ZNF560: variants seen among roughly 807,000 people sequenced by gnomAD.
The protein encoded by ZNF560 is zinc finger protein 560.
In ZNF560, 54 loss-of-function variants were observed where a neutral mutation model predicts 81.8. That is an observed-to-expected ratio of 0.66 (90% confidence interval 0.53 to 0.83). ZNF560 has a LOEUF of 0.83. Ranked by LOEUF, ZNF560 falls within the 40% of genes least tolerant of loss-of-function variation. ZNF560 has a pLI of 0.00. For missense variants in ZNF560, 940 were observed against 932.4 expected (o/e 1.01, Z -0.11); for synonymous variants, 321 against 317.9 (o/e 1.01, Z -0.10).
At chr19:9,453,633 A>T in the ZNF560 span, among the ~76,000 whole-genome samples, 1 of 152,090 alleles carries the variant, frequency 6.6e-6, no homozygotes, top group African/African-American at 2.4e-5. Context: ...TTGGAAAATA[A>T]TAAATAAAAA....
At chr19:9,499,680 G>A (rs909514503), upstream of ZNF560, among the ~76,000 whole-genome samples, 1 of 152,116 alleles carries the variant, frequency 6.6e-6, no homozygotes, top group Non-Finnish European at 1.5e-5. Flanking sequence ...TTGAATCTTC[G>A]GGTTATATTG....
At chr19:9,484,851 A>AG (rs926283455) in intron 2 of ZNF560, among the ~76,000 whole-genome samples, 2 of 151,130 alleles carry the variant, frequency 1.3e-5, no homozygotes, top group East Asian at 1.9e-4. Flanking sequence ...AAGAAAAAAA[A>AG]AGAAAAGAAA....
At chr19:9,503,426 A>T (rs988833058), upstream of ZNF560, among the ~76,000 whole-genome samples, 4 of 152,186 alleles carry the variant, frequency 2.6e-5, no homozygotes, top group Non-Finnish European at 4.4e-5. Flanking sequence ...AGCAGATTCA[A>T]TGTCTCAGGA....
At chr19:9,455,698 T>C in the ZNF560 span, among the ~76,000 whole-genome samples, 2 of 152,228 alleles carry the variant, frequency 1.3e-5, no homozygotes, top group African/African-American at 2.4e-5. Flanking sequence ...TTGCAGTTAT[T>C]AGCTTTTGAC....
In ZNF560 at chr19:9,469,617, CACAA is replaced by C; in HGVS notation, c.529+9_529+12del. On this transcript the variant is annotated intron_variant, in intron 8 of 9. Coordinates refer to ENST00000301480, the MANE Select transcript of ZNF560 (RefSeq NM_152476.3). ...CTTCTCATGGACCAGGGTTGTTCTT[CACAA>C]ACACTCACCTTGGAGAACTCTTGGC... 6.2e-7 allele frequency: 1 copy of C among 1,613,484 alleles called. No homozygotes were observed. Among genetic ancestry groups the C allele is most frequent in the Non-Finnish European group, 8.5e-7 (1 of 1,179,430 alleles).
chr19:9,471,553 G>A (rs950113237), intron 5 of ZNF560, among the ~76,000 whole-genome samples, 175 bp from the exon 6 acceptor site: 2 of 151,930 alleles, frequency 1.3e-5, no homozygotes, highest in African/African-American at 4.8e-5. Flanking sequence ...AGATTAAAGG[G>A]TCAAAATTTT....
chr19:9,452,615 T>C, the ZNF560 span, among the ~76,000 whole-genome samples: 1 of 152,148 alleles, frequency 6.6e-6, no homozygotes, highest in Non-Finnish European at 1.5e-5. Context: ...ATGGTTGAAG[T>C]TGGAGGTGAT....
At chr19:9,472,004 G>A (rs1223802931) in intron 5 of ZNF560, among the ~76,000 whole-genome samples, 1 of 152,116 alleles carries the variant, frequency 6.6e-6, no homozygotes, top group Non-Finnish European at 1.5e-5. Flanking sequence ...CAGCTACTCG[G>A]GAGGCTGAGG....
upstream of ZNF560, among the ~76,000 whole-genome samples, chr19:9,501,327 TTGTGTGTGTG>T (rs71185606): frequency 0.069 from 7,554 of 108,928 alleles, 304 homozygotes; most frequent in African/African-American, 0.1. Flanking sequence ...CCTGGCTACT[TTGTGTGTGTG>T]TGTGTGTGTG....
chr19:9,506,038 G>A, the ZNF560 span, among the ~76,000 whole-genome samples: 1 of 151,886 alleles, frequency 6.6e-6, no homozygotes, highest in Non-Finnish European at 1.5e-5. Context: ...TGTTGCCCAG[G>A]CTGGAGTGCA....
At chr19:9,455,307 A>G in the ZNF560 span, among the ~76,000 whole-genome samples, 41 of 152,280 alleles carry the variant, frequency 2.7e-4, no homozygotes, top group African/African-American at 6.5e-4. Context: ...GATGATTCCC[A>G]TTGATGGGAC....
downstream of ZNF560, among the ~76,000 whole-genome samples, chr19:9,463,693 T>G (rs897251495): frequency 3.3e-5 from 5 of 152,172 alleles, no homozygotes; most frequent in African/African-American, 1.2e-4. Flanking sequence ...TTTTTGGTTT[T>G]GTTTTGTTTT....
downstream of ZNF560, among the ~76,000 whole-genome samples, chr19:9,465,313 T>C (rs1245012412): frequency 1.3e-5 from 2 of 152,090 alleles, no homozygotes; most frequent in Non-Finnish European, 2.9e-5. Context: ...GTATTTTTAG[T>C]AGAGACAGGG....
chr19:9,466,969 C>T lies in ZNF560; in HGVS notation c.1978G>A (p.Ala660Thr), dbSNP rs776503523. ...GACCTACTGTAAGCTTTTTCACATGCATTACATTTATAGGGTTTATATCCA... is the reference window on the plus strand; with the variant it reads ...GACCTACTGTAAGCTTTTTCACATGTATTACATTTATAGGGTTTATATCCA... ...HTGYKPYKCN[A>T]CEKAYSRSCV... Residue 660 changes from alanine (A) to threonine (T), a missense_variant, in exon 10 of 10, where the codon GCA becomes ACA. Physicochemically the swap from Ala to Thr is moderately conservative, Grantham distance 58. Coordinates refer to ENST00000301480, the MANE Select transcript of ZNF560 (RefSeq NM_152476.3). 2 of 1,613,912 alleles carry T rather than the reference C, an allele frequency of 1.2e-6. No homozygotes were observed. The highest frequency in any genetic ancestry group is 1.7e-5 in the Admixed American group (1 of 59,994).
chr19:9,499,364 T>C (rs989643682), upstream of ZNF560, among the ~76,000 whole-genome samples: 4 of 152,166 alleles, frequency 2.6e-5, no homozygotes, highest in South Asian at 4.1e-4. Context: ...TTATCATCAT[T>C]ATTATTATTT....
intron 2 of ZNF560, among the ~76,000 whole-genome samples, chr19:9,493,295 A>G (rs1313467915): frequency 6.6e-6 from 1 of 152,230 alleles, no homozygotes; most frequent in East Asian, 1.9e-4. Context: ...TCGAAAAAGT[A>G]AAACCATGGA....
chr19:9,448,813 C>A, the ZNF560 span, among the ~76,000 whole-genome samples: 1 of 152,108 alleles, frequency 6.6e-6, no homozygotes, highest in South Asian at 2.1e-4. Flanking sequence ...ATATGAGACA[C>A]CCATGGACTC....
At chr19:9,498,389 T>C (rs757223553) in intron 1 of ZNF560, 149 bp downstream of exon 1, 2 of 152,326 alleles carry the variant, frequency 1.3e-5, no homozygotes, top group African/African-American at 2.4e-5. Context: ...CTCTTCGACG[T>C]GGCCTCACCC....
chr19:9,462,607 A>G (rs2072950726), downstream of ZNF560, among the ~76,000 whole-genome samples: 1 of 152,098 alleles, frequency 6.6e-6, no homozygotes, highest in South Asian at 2.1e-4. Context: ...CAAATATTAC[A>G]TGCCAATGTT....
Sources: allele counts gnomAD v4.1 joint callset (sites outside exome capture counted in the v4.1 genomes callset), GRCh38; gene constraint gnomAD v4.1.1; transcripts MANE v1.5; gene names NCBI Gene and HGNC (gene_info 2026-07-23, HGNC 2026-07-21).